Variants in LPGAT1 observed in about 807,000 individuals in gnomAD.
LPGAT1 encodes acyl-CoA:lysophosphatidylglycerol acyltransferase 1.
A neutral mutation model predicts 47.5 loss-of-function variants in LPGAT1; 11 were observed. The observed-to-expected ratio is 0.23, with a 90% CI of 0.15 to 0.38. LPGAT1 has a LOEUF of 0.38. LPGAT1 is among the 10% of genes least tolerant of loss of function. The pLI is 1.00. For synonymous variants in LPGAT1, 138 were observed against 144.2 expected (o/e 0.96, Z 0.31); for missense variants, 293 against 439.0 (o/e 0.67, Z 2.97).
intron 6 of LPGAT1, among the ~76,000 whole-genome samples, chr1:211,769,249 T>A (rs1419755191): frequency 6.6e-6 from 1 of 152,082 alleles, no homozygotes; most frequent in African/African-American, 2.4e-5. Flanking sequence ...TCAGGGGATA[T>A]GTATTTAAAT....
chr1:211,748,725 G>C lies in LPGAT1; in HGVS notation c.*1174C>G, dbSNP rs1006374346. On this transcript the variant is annotated 3_prime_UTR_variant, in exon 8 of 8. Transcript: ENST00000366997. Reference sequence around the variant, plus strand: ...GAAAAAGCAACTGGAAGAGATTGGGGGGAGCCTTATGTGCTGGTATCGTTC... The same window carrying C: ...GAAAAAGCAACTGGAAGAGATTGGGCGGAGCCTTATGTGCTGGTATCGTTC... The C allele has an allele frequency of 2.0e-5, 3 of 152,986 alleles. No homozygotes were observed. Among genetic ancestry groups the C allele is most frequent in the Non-Finnish European group, 4.4e-5 (3 of 68,412 alleles). The allele number at this position is 152,986 out of a possible 1,614,324, so 9.5% of individuals were successfully genotyped here. A position where few individuals can be genotyped will look rare whatever the true frequency, so the allele number is the denominator to read the frequency against.
At position 211,830,729 on chromosome 1, in the gene LPGAT1, C is replaced by G. The variant is rs1427804983; in HGVS notation, c.-184G>C. 4.3e-5 allele frequency: 50 copies of G among 1,176,190 alleles called. No homozygotes were observed. Among genetic ancestry groups the G allele is most frequent in the Non-Finnish European group, 4.7e-5 (45 of 952,314 alleles). The allele number at this position is 1,176,190 out of a possible 1,614,324, so 72.9% of individuals were successfully genotyped here. A position where few individuals can be genotyped will look rare whatever the true frequency, so the allele number is the denominator to read the frequency against. On this transcript the variant is annotated 5_prime_UTR_variant, in exon 1 of 8. Transcript: ENST00000366997. This position sits in a 1 kb window ranked among gnomAD's most constrained non-coding sequence, Gnocchi z 5.9. ...CCCGTTCCCCGGCGGCGCCGAGACT[C>G]GGTCCCCAAGGGCCCGGCCGCGTTC...
intron 6 of LPGAT1, among the ~76,000 whole-genome samples, chr1:211,773,519 T>A (rs1249734917): frequency 1.3e-5 from 2 of 152,202 alleles, no homozygotes; most frequent in Admixed American, 1.3e-4. Flanking sequence ...AATCTATCTA[T>A]GCCACTACAC....
Position 211,830,522 on chromosome 1 carries a change from G to GCCCGGGGC in LPGAT1, c.-28+50_-28+51insGCCCCGGG. On this transcript the variant is annotated intron_variant, in intron 1 of 7. Coordinates refer to ENST00000366997, the MANE Select transcript of LPGAT1 (RefSeq NM_014873.3). The surrounding 1 kb of genome is among the most constrained non-coding windows in gnomAD (Gnocchi z 5.9). ...TTCCCCGCCCCCAGCGCCTCCCCTG[G>GCCCGGGGC]CCCGGCTCCGCTGCCGCTCTGGGGC... 8.3e-7 allele frequency: 1 copy of GCCCGGGGC among 1,201,814 alleles called. No individual in the cohort carries two copies. The highest frequency in any genetic ancestry group is 1.0e-6 in the Non-Finnish European group (1 of 968,240). The allele number at this position is 1,201,814 out of a possible 1,614,324, so 74.4% of individuals were successfully genotyped here.
At chr1:211,791,208 C>T (rs1352914522) in intron 3 of LPGAT1, among the ~76,000 whole-genome samples, 3 of 152,104 alleles carry the variant, frequency 2.0e-5, no homozygotes, top group Non-Finnish European at 4.4e-5. Flanking sequence ...TATTTAATCT[C>T]CTCTCATTTT....
intron 3 of LPGAT1, among the ~76,000 whole-genome samples, 162 bp from the exon 4 acceptor site, chr1:211,787,889 G>A (rs1256965729): frequency 6.6e-6 from 1 of 152,106 alleles, no homozygotes; most frequent in Non-Finnish European, 1.5e-5. Context: ...GTTACTAATA[G>A]TGTCTACATG....
In LPGAT1 at chr1:211,760,450, C is replaced by T. The variant is rs115126775; in HGVS notation, c.855-9383G>A. 3.5e-3 allele frequency among the ~76,000 whole-genome samples: 534 copies of T among 152,206 alleles called. 1 individual carries two copies. The highest frequency in any genetic ancestry group is 0.011 in the African/African-American group (472 of 41,534). ...GGCCTGGGCAACAATAGCAAAACTC[C>T]GTCCCCCCAACCCCCCTCAAAAAAG... On this transcript the variant is annotated intron_variant, in intron 6 of 7. Coordinates refer to ENST00000366997, the MANE Select transcript of LPGAT1 (RefSeq NM_014873.3).
intron 2 of LPGAT1, among the ~76,000 whole-genome samples, chr1:211,828,012 G>A (rs572844449): frequency 1.3e-5 from 2 of 152,286 alleles, no homozygotes; most frequent in South Asian, 2.1e-4. Flanking sequence ...CTTCTCTTGC[G>A]TGTGTGGATA....
At chr1:211,764,682 A>G (rs911936473) in intron 6 of LPGAT1, among the ~76,000 whole-genome samples, 3 of 152,226 alleles carry the variant, frequency 2.0e-5, no homozygotes, top group African/African-American at 7.2e-5. Flanking sequence ...TAAAAAAGAA[A>G]TCACTCAGTT....
chr1:211,825,037 C>T lies in LPGAT1; in HGVS notation c.238+4022G>A, dbSNP rs182892553. ...CCAATTTAAGGAAAACTGTTTGCTA[C>T]GTAAAAACAGCTTGGCAGCAAGTCC... On this transcript the variant is annotated intron_variant, in intron 2 of 7. Coordinates refer to ENST00000366997, the MANE Select transcript of LPGAT1 (RefSeq NM_014873.3). Among the ~76,000 whole-genome samples, 127 of 152,102 alleles carry T rather than the reference C, an allele frequency of 8.3e-4. 2 individuals carry two copies. Among genetic ancestry groups the T allele is most frequent in the African/African-American group, 2.7e-3 (112 of 41,484 alleles).
intron 2 of LPGAT1, among the ~76,000 whole-genome samples, chr1:211,826,292 CA>C (rs932985650): frequency 6.6e-6 from 1 of 151,678 alleles, no homozygotes; most frequent in Non-Finnish European, 1.5e-5. Context: ...TTGTCTTTCA[CA>C]AAAAAAATCT....
At chr1:211,754,247 A>T (rs770066047) in intron 6 of LPGAT1, among the ~76,000 whole-genome samples, 10 of 152,160 alleles carry the variant, frequency 6.6e-5, no homozygotes, top group Non-Finnish European at 1.0e-4. Context: ...TTCTTCTTAG[A>T]TTTCAACCAG....
At chr1:211,775,831 T>C (rs1336430155) in intron 6 of LPGAT1, among the ~76,000 whole-genome samples, 1 of 149,174 alleles carries the variant, frequency 6.7e-6, no homozygotes, top group Non-Finnish European at 1.5e-5. Context: ...CTCAGGAGGC[T>C]AAGGCAGGAG....
In LPGAT1 at chr1:211,743,909, CAATTGTTTAAA is replaced by C. The variant is rs1176630599; in HGVS notation, c.*5979_*5989del. The C allele has an allele frequency of 2.6e-5, 4 of 152,246 alleles. No individual in the cohort carries two copies. The South Asian group carries it at 8.3e-4, about 32-fold the overall frequency. The allele number at this position is 152,246 out of a possible 1,614,324, so 9.4% of individuals were successfully genotyped here. On this transcript the variant is annotated 3_prime_UTR_variant, in exon 8 of 8. Coordinates refer to ENST00000366997, the MANE Select transcript of LPGAT1 (RefSeq NM_014873.3). The stretch of plus-strand genomic sequence containing the variant: ...TTTAAATTTTTCAGTGGGATTTAAA[CAATTGTTTAAA>C]CATCAATAAAACAATTGATGTTTTA...
chr1:211,827,714 G>GT (rs1241162212), intron 2 of LPGAT1, among the ~76,000 whole-genome samples: 7 of 152,092 alleles, frequency 4.6e-5, no homozygotes, highest in Non-Finnish European at 7.3e-5. Context: ...TTAGAACTTC[G>GT]TTTTTTCTCT....
chr1:211,770,114 T>G (rs1251617376), intron 6 of LPGAT1, among the ~76,000 whole-genome samples: 1 of 152,214 alleles, frequency 6.6e-6, no homozygotes, highest in Non-Finnish European at 1.5e-5. Context: ...ATACACAATA[T>G]TTTATTTAGT....
In LPGAT1 at chr1:211,749,878, T is replaced by C; in HGVS notation, c.*21A>G. On this transcript the variant is annotated 3_prime_UTR_variant, in exon 8 of 8. Transcript: ENST00000366997. ...GAAAGTCTGAACTCCTACGGTGACC[T>C]TGACAAGTCCACGTCAATTCCTAAA... 2 of 1,612,904 alleles carry C rather than the reference T, an allele frequency of 1.2e-6. No homozygotes were observed. The highest frequency in any genetic ancestry group is 8.5e-7 in the Non-Finnish European group (1 of 1,179,460).
At chr1:211,766,335 CATAAT>C (rs1657912910) in intron 6 of LPGAT1, among the ~76,000 whole-genome samples, 1 of 152,150 alleles carries the variant, frequency 6.6e-6, no homozygotes, top group African/African-American at 2.4e-5. Context: ...GCCAATTTCT[CATAAT>C]AAATCTCTTT....
At chr1:211,788,536 G>C (rs894604236) in intron 3 of LPGAT1, among the ~76,000 whole-genome samples, 5 of 152,050 alleles carry the variant, frequency 3.3e-5, no homozygotes, top group African/African-American at 9.7e-5. Flanking sequence ...ACAAAAATTA[G>C]CCAGGCGTGG....
Sources: gnomAD v4.1 joint callset for allele counts (sites outside exome capture counted in the v4.1 genomes callset) on GRCh38, gnomAD v4.1.1 for gene constraint, Gnocchi (gnomAD v3.1) non-coding constraint, MANE v1.5 for transcripts, NCBI Gene and HGNC (gene_info 2026-07-23, HGNC 2026-07-21) for gene names.